The following FILIP1L variants were observed in gnomAD, a reference collection of about 807,000 sequenced individuals.
FILIP1L encodes filamin A interacting protein 1 like, also known as filamin A-interacting protein 1-like.
Under a neutral mutation model 96.6 loss-of-function variants are expected in FILIP1L, and 55 were observed. That is an observed-to-expected ratio of 0.57 (90% CI 0.46 to 0.71). The LOEUF is 0.71. FILIP1L is among the 30% of genes least tolerant of loss of function. The probability of loss-of-function intolerance (pLI) is 0.00; values close to 1 mark genes in which losing one functional copy is unlikely to be tolerated. For synonymous variants in FILIP1L, 467 were observed against 473.9 expected, an observed-to-expected ratio of 0.99 and a Z score of 0.19; for missense variants, 1,304 against 1,321.2, an observed-to-expected ratio of 0.99 and a Z score of 0.20.
chr3:99,903,011 T>G (rs912323197), intron 4 of FILIP1L, among the ~76,000 whole-genome samples: 53 of 152,178 alleles, frequency 3.5e-4, no homozygotes, highest in African/African-American at 1.2e-3. Context: ...ATTAAGGATA[T>G]AAACAAATGG....
chr3:100,018,638 T>C (rs1710413008), intron 1 of FILIP1L, among the ~76,000 whole-genome samples: 3 of 150,982 alleles, frequency 2.0e-5, no homozygotes, highest in African/African-American at 7.3e-5. Context: ...TTGACATGAG[T>C]CTGGGTAGGG....
chr3:100,074,720 G>A (rs568380956), intron 1 of FILIP1L, among the ~76,000 whole-genome samples: 67 of 27,402 alleles, frequency 2.4e-3, no homozygotes, highest in Admixed American at 0.017. Flanking sequence ...TTGAGACGAA[G>A]TCTCACTCTG....
intron 1 of FILIP1L, among the ~76,000 whole-genome samples, chr3:99,983,409 T>A (rs1448550276): frequency 3.6e-5 from 4 of 109,708 alleles, no homozygotes; most frequent in African/African-American, 1.5e-4. Flanking sequence ...TATATATATA[T>A]ATATATATAT....
At chr3:100,081,540 T>C (rs2065932079) in intron 1 of FILIP1L, among the ~76,000 whole-genome samples, 1 of 152,208 alleles carries the variant, frequency 6.6e-6, no homozygotes, top group South Asian at 2.1e-4. Context: ...GATTAACGAC[T>C]CATGAAGATT....
intron 4 of FILIP1L, among the ~76,000 whole-genome samples, chr3:99,891,678 C>T (rs1706087389): frequency 6.6e-6 from 1 of 152,090 alleles, no homozygotes. Flanking sequence ...TACCGAAAAT[C>T]AGCCTGAAAA....
intron 4 of FILIP1L, among the ~76,000 whole-genome samples, chr3:99,902,181 ACT>A (rs1458134337): frequency 6.6e-6 from 1 of 152,112 alleles, no homozygotes; most frequent in African/African-American, 2.4e-5. Flanking sequence ...AGTGTAACTG[ACT>A]CTTAGTATTC....
intron 1 of FILIP1L, among the ~76,000 whole-genome samples, chr3:99,994,709 A>C (rs1466459781): frequency 6.6e-6 from 1 of 152,190 alleles, no homozygotes; most frequent in African/African-American, 2.4e-5. Flanking sequence ...GTGCACTCCC[A>C]CGTGGCTGGG....
Position 100,005,558 on chromosome 3 carries a change from C to T in FILIP1L, c.-10-74528G>A, listed in dbSNP as rs552731437. 2.4e-3 allele frequency among the ~76,000 whole-genome samples: 367 copies of T among 152,250 alleles called. 1 individual carries two copies. The highest frequency in any genetic ancestry group is 8.3e-3 in the African/African-American group (346 of 41,556). On this transcript the variant is annotated intron_variant, in intron 1 of 5. Transcript: ENST00000477258. ...GGAAATGTGAGTGTAGTGTAATAAA[C>T]CAAATTTTACAAGAATAACCTTTTA...
chr3:100,003,377 G>A (rs114434352), intron 1 of FILIP1L, among the ~76,000 whole-genome samples: 165 of 152,254 alleles, frequency 1.1e-3, no homozygotes, highest in Non-Finnish European at 1.9e-3. Flanking sequence ...CTTCCCTTAC[G>A]TGGTTGTTTT....
intron 1 of FILIP1L, among the ~76,000 whole-genome samples, chr3:100,098,228 C>CACGGG (rs1183456746): frequency 6.6e-6 from 1 of 152,184 alleles, no homozygotes; most frequent in African/African-American, 2.4e-5. Flanking sequence ...AAACAAACTA[C>CACGGG]ACGGTACCTG....
At chr3:100,052,368 A>G (rs2065388675) in intron 1 of FILIP1L, among the ~76,000 whole-genome samples, 1 of 152,206 alleles carries the variant, frequency 6.6e-6, no homozygotes, top group Admixed American at 6.5e-5. Context: ...CCAAAATTCC[A>G]GGGGGAACTT....
intron 4 of FILIP1L, among the ~76,000 whole-genome samples, chr3:99,900,492 G>A (rs951231680): frequency 6.6e-5 from 10 of 152,296 alleles, no homozygotes; most frequent in South Asian, 6.2e-4. Context: ...GATAGAGTGC[G>A]TTCAGGGTGG....
chr3:99,841,548 C>T (rs1943132201), intron 5 of FILIP1L, among the ~76,000 whole-genome samples: 1 of 152,138 alleles, frequency 6.6e-6, no homozygotes, highest in African/African-American at 2.4e-5. Context: ...TCAGGAATGG[C>T]TGAGGACGAG....
intron 1 of FILIP1L, among the ~76,000 whole-genome samples, chr3:100,002,078 G>A (rs1048859399): frequency 6.6e-6 from 1 of 152,138 alleles, no homozygotes; most frequent in Non-Finnish European, 1.5e-5. Context: ...CTGGAAAAGC[G>A]CGGTGCCACT....
intron 1 of FILIP1L, among the ~76,000 whole-genome samples, chr3:100,010,819 G>T (rs986815238): frequency 2.7e-5 from 4 of 148,292 alleles, no homozygotes; most frequent in African/African-American, 1.0e-4. Flanking sequence ...GTAGAGGTGG[G>T]GGTTTCAGCA....
chr3:99,930,831 C>T lies in FILIP1L; in HGVS notation c.190G>A (p.Ala64Thr), dbSNP rs1707455661. The T allele has an allele frequency of 1.2e-6, 2 of 1,612,538 alleles. No individual in the cohort carries two copies. Among genetic ancestry groups the T allele is most frequent in the African/African-American group, 2.7e-5 (2 of 74,438 alleles). ...AGGTCATCTCTTGAGAGGTCTTCTG[C>T]TTGGTGGCCATTACCACTGTGTGGC... Reference protein sequence around the residue: ...EKPHSGNGHQAEDLSRDDLLF... With the variant: ...EKPHSGNGHQTEDLSRDDLLF... The change falls in exon 2 of 6, where the codon GCA becomes ACA. Residue 64 changes from alanine (A) to threonine (T), a missense_variant. Transcript: ENST00000477258.
chr3:100,097,255 G>A (rs1001621679), intron 1 of FILIP1L, among the ~76,000 whole-genome samples: 4 of 152,182 alleles, frequency 2.6e-5, no homozygotes, highest in Non-Finnish European at 5.9e-5. Context: ...CATCCCATCC[G>A]TGGAAAAATT....
At chr3:99,927,109 AC>A (rs1022339520) in intron 3 of FILIP1L, among the ~76,000 whole-genome samples, 33 of 152,334 alleles carry the variant, frequency 2.2e-4, no homozygotes, top group African/African-American at 7.5e-4. Flanking sequence ...GGCAGTTCTT[AC>A]AATTCACCAT....
At chr3:99,977,747 G>T (rs1181579139) in intron 1 of FILIP1L, among the ~76,000 whole-genome samples, 1 of 152,130 alleles carries the variant, frequency 6.6e-6, no homozygotes, top group Non-Finnish European at 1.5e-5. Flanking sequence ...TGACACTGCT[G>T]AGATCAGGAC....
Sources: allele counts gnomAD v4.1 joint callset (sites outside exome capture counted in the v4.1 genomes callset), GRCh38; gene constraint gnomAD v4.1.1; transcripts MANE v1.5; gene names NCBI Gene and HGNC (gene_info 2026-07-23, HGNC 2026-07-21).